The following ATR variants were observed in gnomAD, a reference collection of about 807,000 sequenced individuals.
ATR encodes the protein ATR checkpoint kinase.
A neutral mutation model predicts 305.3 loss-of-function variants in ATR; 142 were observed. That is an observed-to-expected ratio of 0.47 (90% confidence interval 0.41 to 0.53). The LOEUF (loss-of-function observed/expected upper bound fraction) is 0.53, where lower values mean the gene tolerates loss of function less well. Among genes scored for constraint, ATR ranks in the 20% least tolerant of loss-of-function variants. ATR has a pLI of 0.00. For missense variants in ATR, 2,135 were observed against 3,133.1 expected (o/e 0.68, Z 7.60); for synonymous variants, 1,050 against 1,068.1 (o/e 0.98, Z 0.33).
intron 9 of ATR, 37 bp downstream of exon 9, chr3:142,556,346 T>C (rs1218400542): frequency 7.0e-6 from 11 of 1,579,756 alleles, no homozygotes; most frequent in Admixed American, 1.7e-5. Flanking sequence ...ATCTTTCCAA[T>C]AGAGTGATAT....
chr3:142,563,587 T>A (rs1559999757), intron 3 of ATR, among the ~76,000 whole-genome samples: 2 of 152,130 alleles, frequency 1.3e-5, no homozygotes, highest in African/African-American at 4.8e-5. Flanking sequence ...CAGTTCCCCA[T>A]CTCTCTCCCT....
chr3:142,514,264 C>CA (rs1427228419), intron 25 of ATR, among the ~76,000 whole-genome samples: 10 of 146,000 alleles, frequency 6.8e-5, no homozygotes, highest in East Asian at 4.1e-4. Flanking sequence ...GATTCCGTCT[C>CA]AAAAAAAAAG....
intron 16 of ATR, among the ~76,000 whole-genome samples, chr3:142,544,414 T>G (rs531549584): frequency 6.0e-5 from 7 of 116,628 alleles, no homozygotes; most frequent in Admixed American, 3.8e-4. Flanking sequence ...ATTGCACCAC[T>G]GCAGTCCAGC....
intron 36 of ATR, among the ~76,000 whole-genome samples, chr3:142,481,235 T>A (rs1577540539): frequency 6.6e-6 from 1 of 152,194 alleles, no homozygotes; most frequent in East Asian, 1.9e-4. Flanking sequence ...GAACCGCCCC[T>A]CTGAAACTTT....
At chr3:142,567,484 G>A (rs1313347979) in intron 2 of ATR, among the ~76,000 whole-genome samples, 2 of 152,144 alleles carry the variant, frequency 1.3e-5, no homozygotes, top group African/African-American at 4.8e-5. Context: ...CGCCAAATTT[G>A]GAATCCAAAT....
In ATR at chr3:142,549,770, A is replaced by G. The variant is rs34678750; in HGVS notation, c.2977-97T>C. On this transcript the variant is annotated intron_variant, in intron 14 of 46. Coordinates refer to ENST00000350721, the MANE Select transcript of ATR (RefSeq NM_001184.4). Reference sequence around the variant, plus strand: ...GCAAAAATATTTTTAAATGCCACACATATTTGGAGTCCACTCCATACTATA... The same window carrying G: ...GCAAAAATATTTTTAAATGCCACACGTATTTGGAGTCCACTCCATACTATA... The G allele has an allele frequency of 0.019, 20,738 of 1,100,478 alleles. 293 individuals are homozygous for G. The highest frequency in any genetic ancestry group is 0.04 in the South Asian group (2,886 of 72,084). The allele number at this position is 1,100,478 out of a possible 1,614,324, so 68.2% of individuals were successfully genotyped here. A position where few individuals can be genotyped will look rare whatever the true frequency, so the allele number is the denominator to read the frequency against.
rs2108424097 is a variant in ATR, at chr3:142,535,065, A to T, written c.3945+15T>A. 4 of 1,603,680 alleles carry T rather than the reference A, an allele frequency of 2.5e-6. No homozygotes were observed. The highest frequency in any genetic ancestry group is 3.4e-6 in the Non-Finnish European group (4 of 1,172,248). ...TTCTTTGTTATACATTTTTAATTAT[A>T]TCATATTAGCATACCTGATTTTTAT... On this transcript the variant is annotated intron_variant, in intron 21 of 46. Coordinates refer to ENST00000350721, the MANE Select transcript of ATR (RefSeq NM_001184.4).
In ATR at chr3:142,470,172, T is replaced by C; in HGVS notation, c.6233A>G (p.Tyr2078Cys). The C allele has an allele frequency of 1.9e-6, 3 of 1,601,574 alleles. No individual in the cohort carries two copies. The highest frequency in any genetic ancestry group is 2.6e-6 in the Non-Finnish European group (3 of 1,170,112). ...TGACTGATATATGAACTGATTTCCATATTGTAGAGATCTGCAATTATATAG... is the reference window on the plus strand; with the variant it reads ...TGACTGATATATGAACTGATTTCCACATTGTAGAGATCTGCAATTATATAG... Reference protein sequence around the residue: ...IVLHFGRSLQYGNQFIYQSMP... With the variant: ...IVLHFGRSLQCGNQFIYQSMP... The change falls in exon 37 of 47, where the codon TAT (tyrosine) becomes TGT (cysteine). Residue 2078 changes from tyrosine to cysteine, a missense_variant. Tyr to Cys is a radical substitution (Grantham distance 194). Around this residue, in one of 9 missense-constraint regions of ATR, gnomAD observed 462 missense variants for 887.6 expected, o/e 0.52. Transcript: ENST00000350721.
At chr3:142,452,861 A>G (rs2108249112) in intron 46 of ATR, 2 of 1,295,034 alleles carry the variant, frequency 1.5e-6, no homozygotes, top group East Asian at 7.3e-5. Flanking sequence ...AGTTTTTCCT[A>G]CTGTATCTCA....
rs1411746753 is a variant in ATR, at chr3:142,553,675, C to T, written c.2598G>A (p.Lys866=). ...HAQISRNNEL[K]DTLILTTGDI... is the part of the protein sequence containing the mutation. ...CCCCTGTTGTAAGAATCAAGGTATC[C>T]TTCAGCTCATTATTTCTTGATATTT... Residue 866 remains lysine (K), a synonymous_variant, in exon 12 of 47, where the codon AAG becomes AAA. Transcript: ENST00000350721. The T allele has an allele frequency of 1.2e-6, 2 of 1,611,900 alleles. No individual in the cohort carries two copies.
At chr3:142,485,634 G>GTA (rs1424030256) in intron 35 of ATR, among the ~76,000 whole-genome samples, 54 of 152,178 alleles carry the variant, frequency 3.5e-4, no homozygotes, top group Middle Eastern at 6.8e-3. Flanking sequence ...GTGTGTGTGT[G>GTA]TATATACACA....
At chr3:142,450,397 C>CTGCT in intron 46 of ATR, 2 of 1,556,610 alleles carry the variant, frequency 1.3e-6, no homozygotes, top group Non-Finnish European at 1.8e-6. Flanking sequence ...CAAAATGGGG[C>CTGCT]TGCTGTCTTC....
At chr3:142,468,795 G>A (rs532178418) in intron 38 of ATR, among the ~76,000 whole-genome samples, 2 of 152,236 alleles carry the variant, frequency 1.3e-5, no homozygotes, top group African/African-American at 4.8e-5. Context: ...TTTGAGCCCA[G>A]CCTGAGCAAC....
At chr3:142,451,901 A>T in intron 46 of ATR, 2 of 1,305,834 alleles carry the variant, frequency 1.5e-6, no homozygotes, top group Non-Finnish European at 2.0e-6. Flanking sequence ...AACTGGTCAG[A>T]TATTGGAATC....
chr3:142,513,888 C>CA (rs893508545), intron 25 of ATR, among the ~76,000 whole-genome samples: 45 of 149,546 alleles, frequency 3.0e-4, no homozygotes, highest in South Asian at 1.5e-3. Flanking sequence ...AGCCAAAAAA[C>CA]AAAAAAAAAC....
chr3:142,524,375 C>G (rs1220444781), intron 21 of ATR, among the ~76,000 whole-genome samples, 176 bp from the exon 22 acceptor site: 2 of 152,122 alleles, frequency 1.3e-5, no homozygotes, highest in African/African-American at 2.4e-5. Flanking sequence ...TATAGTTCAA[C>G]AATATGTCCT....
chr3:142,487,320 A>G (rs1477987714), intron 35 of ATR, among the ~76,000 whole-genome samples: 1 of 152,100 alleles, frequency 6.6e-6, no homozygotes, highest in Admixed American at 6.6e-5. Context: ...TATTTTTTGT[A>G]GAGACGGAGA....
chr3:142,558,869 T>C, intron 7 of ATR, 93 bp from the exon 8 acceptor site: 1 of 1,284,478 alleles, frequency 7.8e-7, no homozygotes, highest in Non-Finnish European at 1.1e-6. Flanking sequence ...ACTATCATAA[T>C]GATCATTGGA....
intron 45 of ATR, among the ~76,000 whole-genome samples, chr3:142,454,437 CTTTTTTT>C (rs760823609): frequency 3.0e-5 from 3 of 101,476 alleles, no homozygotes; most frequent in Admixed American, 1.1e-4. Flanking sequence ...TGATAGACAG[CTTTTTTT>C]TTTTTTTTTT....
Sources: allele counts gnomAD v4.1 joint callset (sites outside exome capture counted in the v4.1 genomes callset), GRCh38; gene constraint gnomAD v4.1.1; regional missense constraint gnomAD v4.1.1; transcripts MANE v1.5; gene names NCBI Gene and HGNC (gene_info 2026-07-23, HGNC 2026-07-21).